Variants in UGGT2 observed in about 807,000 individuals in gnomAD.
UGGT2 encodes UDP-glucose glycoprotein glucosyltransferase 2.
In UGGT2, 180 loss-of-function variants were observed where a neutral mutation model predicts 192.1. The ratio of observed to expected loss-of-function variants is 0.94; its 90% CI spans 0.83 to 1.06. UGGT2 has a LOEUF of 1.06. Ranked by LOEUF, UGGT2 falls within the 50% of genes least tolerant of loss-of-function variation. The pLI, the probability that UGGT2 is intolerant of heterozygous loss-of-function variation, is 0.00. For synonymous variants in UGGT2, 580 were observed against 591.0 expected (o/e 0.98, Z 0.27); for missense variants, 1,849 against 1,795.7 (o/e 1.03, Z -0.54).
intron 37 of UGGT2, among the ~76,000 whole-genome samples, 193 bp downstream of exon 37, chr13:95,836,893 T>C (rs1261327887): frequency 6.6e-6 from 1 of 152,230 alleles, no homozygotes; most frequent in Non-Finnish European, 1.5e-5. Flanking sequence ...TAGTGAATCA[T>C]CAAACCTCAG....
intron 38 of UGGT2, among the ~76,000 whole-genome samples, chr13:95,816,820 A>G (rs1029133758): frequency 6.6e-6 from 1 of 152,342 alleles, no homozygotes. Context: ...ATGACTGTAT[A>G]TATTAGTAAA....
At chr13:95,808,144 A>G (rs1884411050) in intron 38 of UGGT2, among the ~76,000 whole-genome samples, 1 of 152,166 alleles carries the variant, frequency 6.6e-6, no homozygotes, top group South Asian at 2.1e-4. Flanking sequence ...TACAGGCAAC[A>G]TACTTCCTGA....
chr13:95,998,676 A>G (rs1345685481), intron 6 of UGGT2, among the ~76,000 whole-genome samples: 1 of 152,190 alleles, frequency 6.6e-6, no homozygotes, highest in Non-Finnish European at 1.5e-5. Context: ...CATCTAGAGT[A>G]TGCATTTAGT....
intron 20 of UGGT2, among the ~76,000 whole-genome samples, chr13:95,912,107 A>G (rs2048518858): frequency 6.6e-6 from 1 of 152,250 alleles, no homozygotes; most frequent in Middle Eastern, 3.2e-3. Flanking sequence ...AGAGCTATTT[A>G]TGACAAACCC....
At position 95,947,059 on chromosome 13, in the gene UGGT2, T is replaced by C. The variant is rs1177600677; in HGVS notation, c.1655A>G (p.Glu552Gly). 1.9e-6 allele frequency: 3 copies of C among 1,604,550 alleles called. No homozygotes were observed. The South Asian group carries it at 3.4e-5, about 18-fold the overall frequency. ...NYIAEEFDIS[E>G]AFISIVHMYQ... ...CACGTGTACTATAGAAATAAATGCT[T>C]CTGATATATCAAATTCTTCTGCAAT... Residue 552 changes from glutamate to glycine, a missense_variant, in exon 15 of 39, where the codon GAA (glutamate) becomes GGA (glycine). Physicochemically the swap from Glu to Gly is moderately conservative, Grantham distance 98. Transcript: ENST00000376747.
chr13:95,864,665 GTT>G (rs1312203858), intron 30 of UGGT2, among the ~76,000 whole-genome samples: 1 of 152,044 alleles, frequency 6.6e-6, no homozygotes, highest in Non-Finnish European at 1.5e-5. Context: ...ATCTTTTCCA[GTT>G]TATTACTCAT....
chr13:96,036,043 A>G (rs903227661), intron 1 of UGGT2, among the ~76,000 whole-genome samples: 1 of 152,230 alleles, frequency 6.6e-6, no homozygotes. Context: ...TGACCCAGCA[A>G]TCCCATTACT....
chr13:95,974,015 G>C (rs1396682958), intron 10 of UGGT2, among the ~76,000 whole-genome samples: 1 of 152,188 alleles, frequency 6.6e-6, no homozygotes, highest in Non-Finnish European at 1.5e-5. Context: ...ATAGGGACTT[G>C]TGTGAACTAC....
rs2049610734 is a variant in UGGT2, at chr13:95,939,997, T to C, written c.1772A>G (p.Asp591Gly). 1 of 1,601,896 alleles carries C rather than the reference T, an allele frequency of 6.2e-7. No homozygotes were observed. Among genetic ancestry groups the C allele is most frequent in the Non-Finnish European group, 8.5e-7 (1 of 1,175,372 alleles). ...ATATTTAGAATGAATTCCCAAAATA[T>C]CCCAAATATTAGCATGAGGAAATGT... ...QNTFPHANIWDILGIHSKYDE... is the reference protein window; with the variant it reads ...QNTFPHANIWGILGIHSKYDE... The change falls in exon 16 of 39, where the codon GAT becomes GGT. Residue 591 changes from aspartate (D) to glycine (G), a missense_variant. Physicochemically the swap from Asp to Gly is moderately conservative, Grantham distance 94. Transcript: ENST00000376747.
chr13:95,965,492 CA>C (rs1190504198), intron 12 of UGGT2, among the ~76,000 whole-genome samples: 1 of 147,108 alleles, frequency 6.8e-6, no homozygotes, highest in Non-Finnish European at 1.5e-5. Flanking sequence ...ATCACAAGGA[CA>C]AAAAACCAAA....
At chr13:95,827,239 T>C (rs1886141321) in intron 38 of UGGT2, among the ~76,000 whole-genome samples, 1 of 152,150 alleles carries the variant, frequency 6.6e-6, no homozygotes, top group Non-Finnish European at 1.5e-5. Flanking sequence ...ATTTCAAAAA[T>C]ACATGAATTT....
intron 26 of UGGT2, among the ~76,000 whole-genome samples, chr13:95,884,913 G>A (rs1035388364): frequency 6.6e-6 from 1 of 152,112 alleles, no homozygotes; most frequent in African/African-American, 2.4e-5. Context: ...ATTCCTTAAT[G>A]AACATGATTA....
At chr13:95,942,131 TC>T (rs34946459) in intron 15 of UGGT2, among the ~76,000 whole-genome samples, 55,156 of 151,542 alleles carry the variant, frequency 0.36, 10,352 homozygotes, top group Middle Eastern at 0.41. Flanking sequence ...TATATTTGTG[TC>T]ATTTTTATCA....
intron 36 of UGGT2, among the ~76,000 whole-genome samples, chr13:95,845,990 A>T (rs866905487): frequency 2.3e-5 from 3 of 133,056 alleles, no homozygotes; most frequent in African/African-American, 8.8e-5. Flanking sequence ...ATGGGCGGCC[A>T]GGCAGAGACG....
chr13:96,047,367 G>A (rs540230528), intron 1 of UGGT2, among the ~76,000 whole-genome samples: 3 of 152,342 alleles, frequency 2.0e-5, no homozygotes, highest in South Asian at 2.1e-4. Context: ...AGGGTCTGGA[G>A]TGGACCTCCA....
At chr13:95,806,828 GC>G (rs1342090305) in intron 38 of UGGT2, among the ~76,000 whole-genome samples, 1 of 152,040 alleles carries the variant, frequency 6.6e-6, no homozygotes, top group Non-Finnish European at 1.5e-5. Flanking sequence ...CAACTAGATA[GC>G]CATATGCCAA....
intron 36 of UGGT2, among the ~76,000 whole-genome samples, chr13:95,841,390 T>C (rs73556777): frequency 0.026 from 3,960 of 152,244 alleles, 168 homozygotes; most frequent in African/African-American, 0.091. Flanking sequence ...TGACTGAAGA[T>C]TGGTCCTCCT....
At chr13:95,841,100 G>A (rs1437081194) in intron 36 of UGGT2, among the ~76,000 whole-genome samples, 3 of 152,114 alleles carry the variant, frequency 2.0e-5, no homozygotes, top group Non-Finnish European at 4.4e-5. Flanking sequence ...CCTAATGCAT[G>A]TGGGGCTTAA....
At chr13:95,838,220 G>C (rs575484630) in intron 36 of UGGT2, among the ~76,000 whole-genome samples, 13 of 152,074 alleles carry the variant, frequency 8.5e-5, no homozygotes, top group Non-Finnish European at 1.6e-4. Flanking sequence ...CACCGAAAAA[G>C]AGAAATACTT....
Sources: gnomAD v4.1 joint callset for allele counts (sites outside exome capture counted in the v4.1 genomes callset) on GRCh38, gnomAD v4.1.1 for gene constraint, MANE v1.5 for transcripts, NCBI Gene and HGNC (gene_info 2026-07-23, HGNC 2026-07-21) for gene names.